TRDN: variants seen among roughly 807,000 people sequenced by gnomAD.
TRDN encodes triadin in skeletal muscle.
A neutral mutation model predicts 149.7 loss-of-function variants in TRDN; 161 were observed. That is an observed-to-expected ratio of 1.08 (90% CI 0.95 to 1.23). The LOEUF is 1.23. Ranked by LOEUF, TRDN falls within the 50% of genes most tolerant of loss-of-function variation. TRDN has a pLI of 0.00. For missense variants in TRDN, 896 were observed against 823.5 expected (o/e 1.09, Z -1.08); for synonymous variants, 294 against 250.5 (o/e 1.17, Z -1.64).
chr6:123,372,581 T>C (rs1174224990), intron 19 of TRDN, among the ~76,000 whole-genome samples: 1 of 152,122 alleles, frequency 6.6e-6, no homozygotes, highest in East Asian at 1.9e-4. Flanking sequence ...CCTAAGGTCC[T>C]TGAGGTGGAA....
intron 24 of TRDN, among the ~76,000 whole-genome samples, chr6:123,293,058 T>A (rs1778069310): frequency 6.6e-6 from 1 of 152,152 alleles, no homozygotes; most frequent in Non-Finnish European, 1.5e-5. Context: ...AACTCTATAG[T>A]AAATATTTCA....
intron 1 of TRDN, among the ~76,000 whole-genome samples, chr6:123,588,350 A>G (rs1783610836): frequency 6.6e-6 from 1 of 152,026 alleles, no homozygotes; most frequent in Non-Finnish European, 1.5e-5. Context: ...ACTCTTAAAA[A>G]TCTCTGTTTT....
intron 9 of TRDN, among the ~76,000 whole-genome samples, chr6:123,489,128 C>CT (rs1778096913): frequency 6.6e-6 from 1 of 152,046 alleles, no homozygotes; most frequent in Non-Finnish European, 1.5e-5. Flanking sequence ...ATCTCAAGGT[C>CT]TATTTCAATT....
intron 1 of TRDN, among the ~76,000 whole-genome samples, chr6:123,583,313 G>A (rs1314885823): frequency 6.6e-6 from 1 of 151,930 alleles, no homozygotes; most frequent in Non-Finnish European, 1.5e-5. Context: ...TTTTTGGGGG[G>A]CACAGTCTAA....
At chr6:123,387,526 T>TACAACACAGTA (rs1460862014) in intron 14 of TRDN, among the ~76,000 whole-genome samples, 1 of 152,124 alleles carries the variant, frequency 6.6e-6, no homozygotes, top group Non-Finnish European at 1.5e-5. Context: ...ATTATTACCA[T>TACAACACAGTA]TGTTTATCCT....
intron 9 of TRDN, among the ~76,000 whole-genome samples, chr6:123,479,715 G>A (rs1777659212): frequency 6.6e-6 from 1 of 152,090 alleles, no homozygotes; most frequent in South Asian, 2.1e-4. Flanking sequence ...GAGCATAGGG[G>A]ACAGGGAATG....
At chr6:123,288,719 T>C (rs1777887222) in intron 24 of TRDN, among the ~76,000 whole-genome samples, 1 of 152,036 alleles carries the variant, frequency 6.6e-6, no homozygotes, top group Non-Finnish European at 1.5e-5. Flanking sequence ...ATCAAAAAGA[T>C]GAATGATAAG....
In TRDN at chr6:123,634,244, T is replaced by G. The variant is rs1481171797; in HGVS notation, c.22+2510A>C. ...AGGCCAGTAGTTAAGTACAGCCTGG[T>G]CAACATAAGGAGGTCGTGTCTTTAC... On this transcript the variant is annotated intron_variant, in intron 1 of 40. Coordinates refer to ENST00000334268, the MANE Select transcript of TRDN (RefSeq NM_006073.4). 2.0e-5 allele frequency among the ~76,000 whole-genome samples: 3 copies of G among 151,566 alleles called. No homozygotes were observed. In the East Asian group the frequency reaches 5.8e-4, roughly 29 times the overall value.
rs1179543931 is a variant in TRDN at position 123,341,380 on chromosome 6, C to T, written c.1370-3711G>A. Among the ~76,000 whole-genome samples, 7 of 151,904 alleles carry T rather than the reference C, an allele frequency of 4.6e-5. No homozygotes were observed. The East Asian group carries it at 1.4e-3, about 29-fold the overall frequency. On this transcript the variant is annotated intron_variant, in intron 21 of 40. Coordinates refer to ENST00000334268, the MANE Select transcript of TRDN (RefSeq NM_006073.4). ...GAACTTGGTAAATATAGTTTTTTAA[C>T]ATTTTACATTTTTTTCCTGAATATA...
intron 19 of TRDN, among the ~76,000 whole-genome samples, chr6:123,375,150 G>A (rs1381682431): frequency 2.0e-5 from 3 of 152,132 alleles, no homozygotes; most frequent in Non-Finnish European, 2.9e-5. Flanking sequence ...CATAATCCAA[G>A]AATAGAAACC....
intron 38 of TRDN, among the ~76,000 whole-genome samples, chr6:123,230,008 C>A (rs1775537862): frequency 6.6e-6 from 1 of 151,662 alleles, no homozygotes; most frequent in Non-Finnish European, 1.5e-5. Context: ...ATTAAAGACC[C>A]CAAAATATTT....
At chr6:123,376,265 T>C (rs1781500047) in intron 18 of TRDN, among the ~76,000 whole-genome samples, 2 of 152,110 alleles carry the variant, frequency 1.3e-5, no homozygotes, top group Admixed American at 1.3e-4. Flanking sequence ...AGAAGATGTG[T>C]TATGCTTGAG....
At chr6:123,293,911 A>G (rs1778098572) in intron 24 of TRDN, among the ~76,000 whole-genome samples, 1 of 152,088 alleles carries the variant, frequency 6.6e-6, no homozygotes, top group Non-Finnish European at 1.5e-5. Context: ...TAAGCTAGCA[A>G]TAGGGTTGAT....
At position 123,502,983 on chromosome 6, in the gene TRDN, C is replaced by T. The variant is rs148154926; in HGVS notation, c.793+736G>A. 2.2e-5 allele frequency: 22 copies of T among 985,280 alleles called. No homozygotes were observed. The African/African-American group carries it at 3.7e-4, about 16-fold the overall frequency. 61.0% of individuals were successfully genotyped at this position (985,280 alleles called of 1,614,324 possible). On this transcript the variant is annotated intron_variant, in intron 8 of 40. Transcript: ENST00000334268. Reference sequence around the variant, plus strand: ...CTTAGTTGCCCTCCTAAACCTTCAGCTCTGTATATTCACATAGCAACCTTC... The same window carrying T: ...CTTAGTTGCCCTCCTAAACCTTCAGTTCTGTATATTCACATAGCAACCTTC...
At chr6:123,427,689 G>A (rs527406129) in intron 12 of TRDN, among the ~76,000 whole-genome samples, 1 of 152,122 alleles carries the variant, frequency 6.6e-6, no homozygotes, top group African/African-American at 2.4e-5. Context: ...TAGAAACATG[G>A]CTTTGATGTT....
At chr6:123,223,585 C>T (rs187058378) in intron 39 of TRDN, among the ~76,000 whole-genome samples, 9 of 151,798 alleles carry the variant, frequency 5.9e-5, no homozygotes, top group East Asian at 3.9e-4. Flanking sequence ...TTATGAAGTT[C>T]GTACATCTGG....
At chr6:123,595,718 A>G (rs1246707992) in intron 1 of TRDN, among the ~76,000 whole-genome samples, 1 of 152,070 alleles carries the variant, frequency 6.6e-6, no homozygotes, top group African/African-American at 2.4e-5. Flanking sequence ...GTGATCTGTG[A>G]TCAGTGATTT....
chr6:123,586,798 A>G (rs1332210324), intron 1 of TRDN, among the ~76,000 whole-genome samples: 1 of 151,956 alleles, frequency 6.6e-6, no homozygotes, highest in Non-Finnish European at 1.5e-5. Flanking sequence ...GAGAGTAGAG[A>G]CATGGAGGGA....
intron 24 of TRDN, among the ~76,000 whole-genome samples, chr6:123,306,905 G>C: frequency 6.6e-6 from 1 of 150,484 alleles, no homozygotes; most frequent in Non-Finnish European, 1.5e-5. Context: ...GAAAAAAAAA[G>C]AAATTTAGTG....
Sources: gnomAD v4.1 joint callset for allele counts (sites outside exome capture counted in the v4.1 genomes callset) on GRCh38, gnomAD v4.1.1 for gene constraint, MANE v1.5 for transcripts, NCBI Gene and HGNC (gene_info 2026-07-23, HGNC 2026-07-21) for gene names.